Variants in LRRIQ4 observed in about 807,000 individuals in gnomAD.
LRRIQ4 encodes leucine-rich repeat and IQ domain-containing protein 4.
LRRIQ4 carries 21 observed loss-of-function variants against 40.1 expected under a neutral mutation model. That is an observed-to-expected ratio of 0.52 (90% CI 0.37 to 0.75). The LOEUF (loss-of-function observed/expected upper bound fraction) is 0.75, where lower values mean the gene tolerates loss of function less well. Among genes scored for constraint, LRRIQ4 ranks in the 30% least tolerant of loss-of-function variants. The pLI is 0.00. For synonymous variants in LRRIQ4, 277 were observed against 277.1 expected, an observed-to-expected ratio of 1.00 and a Z score of 0.00; for missense variants, 655 against 660.0, an observed-to-expected ratio of 0.99 and a Z score of 0.08.
At position 169,837,666 on chromosome 3, in the gene LRRIQ4, G is replaced by A; in HGVS notation, c.*35G>A. 1 of 1,489,212 alleles carries A rather than the reference G, an allele frequency of 6.7e-7. No individual in the cohort carries two copies. 92.2% of individuals were successfully genotyped at this position (1,489,212 alleles called of 1,614,324 possible). A position where few individuals can be genotyped will look rare whatever the true frequency, so the allele number is the denominator to read the frequency against. On this transcript the variant is annotated 3_prime_UTR_variant, in exon 6 of 6. Coordinates refer to ENST00000340806, the MANE Select transcript of LRRIQ4 (RefSeq NM_001080460.3). ...TTGATAAATTGGGGTAATGGACCTT[G>A]ATAGATTAAGAAGACAAAATATCTA...
At chr3:169,823,044 C>A (rs916724133) in intron 2 of LRRIQ4, 103 bp downstream of exon 2, 22 of 935,804 alleles carry the variant, frequency 2.4e-5, no homozygotes, top group Admixed American at 3.4e-5. Context: ...ACTTTATGGG[C>A]GAAAATCCAA....
At chr3:169,818,327 G>C (rs1196290872) in intron 1 of LRRIQ4, among the ~76,000 whole-genome samples, 2 of 152,176 alleles carry the variant, frequency 1.3e-5, no homozygotes, top group African/African-American at 2.4e-5. Flanking sequence ...TAAAACCAGG[G>C]ACTGTGATTG....
intron 4 of LRRIQ4, among the ~76,000 whole-genome samples, chr3:169,832,641 A>G (rs893304815): frequency 2.2e-4 from 34 of 151,442 alleles, no homozygotes; most frequent in Admixed American, 1.1e-3. Flanking sequence ...CAAAAAAAAA[A>G]AAAAAAAAAA....
Position 169,815,696 on chromosome 3 carries a change from T to C in LRRIQ4, c.-32+2650T>C, listed in dbSNP as rs1009595176. ...CTACACTGAATAATAGTGGTTAAAG[T>C]GGGCATCCTTATATTGTTCCAGATC... On this transcript the variant is annotated intron_variant, in intron 1 of 5. Transcript: ENST00000340806. 1.2e-4 allele frequency among the ~76,000 whole-genome samples: 18 copies of C among 152,216 alleles called. 1 individual carries two copies. Among genetic ancestry groups the C allele is most frequent in the Admixed American group, 7.2e-4 (11 of 15,282 alleles).
At chr3:169,821,608 C>T (rs532421869) in intron 1 of LRRIQ4, among the ~76,000 whole-genome samples, 2 of 152,156 alleles carry the variant, frequency 1.3e-5, no homozygotes, top group South Asian at 2.1e-4. Context: ...CCATTGCACT[C>T]CAGCCTGGGC....
chr3:169,813,567 T>C (rs1779684964), intron 1 of LRRIQ4, among the ~76,000 whole-genome samples: 1 of 152,174 alleles, frequency 6.6e-6, no homozygotes, highest in African/African-American at 2.4e-5. Flanking sequence ...GGAAATATCC[T>C]CTCCATAGGG....
At position 169,833,203 on chromosome 3, in the gene LRRIQ4, T is replaced by C. The variant is rs1406328023; in HGVS notation, c.1530+20T>C. 6.3e-7 allele frequency: 1 copy of C among 1,594,100 alleles called. No individual in the cohort carries two copies. The highest frequency in any genetic ancestry group is 1.7e-4 in the Middle Eastern group (1 of 6,034). On this transcript the variant is annotated intron_variant, in intron 5 of 5. Coordinates refer to ENST00000340806, the MANE Select transcript of LRRIQ4 (RefSeq NM_001080460.3). ...ACAAAGGTAAAATCAGCCCAGATTC[T>C]TGATAACAGTTGCTTTAGAGGGAGT...
chr3:169,824,673 C>T (rs1447253064), intron 2 of LRRIQ4, among the ~76,000 whole-genome samples: 5 of 151,852 alleles, frequency 3.3e-5, no homozygotes, highest in Admixed American at 2.0e-4. Flanking sequence ...CCATCACACC[C>T]GGCTAATTTT....
chr3:169,822,077 A>C lies in LRRIQ4; in HGVS notation c.156A>C (p.Glu52Asp). Residue 52 changes from glutamate (E) to aspartate (D), a missense_variant, in exon 2 of 6, where the codon GAA (glutamate) becomes GAC (aspartate). Glu to Asp is a conservative substitution (Grantham distance 45). Transcript: ENST00000340806. The stretch of plus-strand genomic sequence containing the variant: ...TCTTCACATTCACAGAATTAGAAGA[A>C]GTGCATTTGGAGAATAACCAGATTG... ...LEIFTFTELE[E>D]VHLENNQIEE... The C allele has an allele frequency of 1.2e-6, 2 of 1,606,960 alleles. No individual in the cohort carries two copies. The highest frequency in any genetic ancestry group is 1.7e-6 in the Non-Finnish European group (2 of 1,178,202).
intron 4 of LRRIQ4, 83 bp from the exon 5 acceptor site, chr3:169,832,904 C>A: frequency 8.1e-7 from 1 of 1,232,304 alleles, no homozygotes; most frequent in Non-Finnish European, 1.1e-6. Context: ...AATTGGATCC[C>A]TCACCTATGT....
Position 169,822,775 on chromosome 3 carries a change from T to C in LRRIQ4, c.854T>C (p.Leu285Pro). The change falls in exon 2 of 6, where the codon CTC becomes CCC. Residue 285 changes from leucine (L) to proline (P), a missense_variant. Coordinates refer to ENST00000340806, the MANE Select transcript of LRRIQ4 (RefSeq NM_001080460.3). ...LICRWTSLHL[L>P]YLGNTGLHRL... ...TGCAGGTGGACCTCGCTGCACCTGC[T>C]CTACCTGGGAAACACCGGCCTGCAC... is the stretch of plus-strand genomic sequence containing the variant. The C allele has an allele frequency of 3.1e-6, 5 of 1,613,732 alleles. No individual in the cohort carries two copies. The highest frequency in any genetic ancestry group is 3.4e-6 in the Non-Finnish European group (4 of 1,179,770).
At chr3:169,837,413 G>C (rs1045511330) in intron 5 of LRRIQ4, 66 bp from the exon 6 acceptor site, 55 of 1,504,120 alleles carry the variant, frequency 3.7e-5, no homozygotes, top group Non-Finnish European at 4.9e-5. Flanking sequence ...AGAATAAAGA[G>C]ATTTAACAAT....
At chr3:169,817,649 C>G (rs1005957213) in intron 1 of LRRIQ4, among the ~76,000 whole-genome samples, 2 of 152,152 alleles carry the variant, frequency 1.3e-5, no homozygotes, top group African/African-American at 4.8e-5. Flanking sequence ...GTTATATCCT[C>G]TTGCTGAATG....
At chr3:169,825,189 G>A (rs1780016239) in intron 2 of LRRIQ4, among the ~76,000 whole-genome samples, 2 of 151,334 alleles carry the variant, frequency 1.3e-5, no homozygotes, top group Admixed American at 1.3e-4. Context: ...TGTATTTTTA[G>A]TAGAGGCAGG....
intron 2 of LRRIQ4, among the ~76,000 whole-genome samples, chr3:169,828,527 C>T (rs541521021): frequency 6.6e-6 from 1 of 152,206 alleles, no homozygotes; most frequent in Non-Finnish European, 1.5e-5. Flanking sequence ...AACCACCGCG[C>T]CCAGCCACAA....
intron 5 of LRRIQ4, among the ~76,000 whole-genome samples, chr3:169,836,267 T>G (rs1780299747): frequency 6.6e-6 from 1 of 151,544 alleles, no homozygotes; most frequent in South Asian, 2.1e-4. Context: ...TTAAATAAGA[T>G]TGTCAGAGTA....
intron 2 of LRRIQ4, among the ~76,000 whole-genome samples, chr3:169,827,995 T>A (rs1404155281): frequency 2.0e-5 from 3 of 152,140 alleles, no homozygotes; most frequent in African/African-American, 7.2e-5. Context: ...TGAACACTGA[T>A]TAGAAATGGT....
chr3:169,836,279 GC>G (rs891785062), intron 5 of LRRIQ4, among the ~76,000 whole-genome samples: 4 of 152,050 alleles, frequency 2.6e-5, no homozygotes, highest in African/African-American at 7.2e-5. Flanking sequence ...GTCAGAGTAG[GC>G]CTCACTGAAA....
chr3:169,835,819 G>T (rs9833211), intron 5 of LRRIQ4, among the ~76,000 whole-genome samples: 2,346 of 152,260 alleles, frequency 0.015, 67 homozygotes, highest in African/African-American at 0.054. Context: ...GACCAAGCAT[G>T]TTCCTGGCTC....
Sources: gnomAD v4.1 joint callset for allele counts (sites outside exome capture counted in the v4.1 genomes callset) on GRCh38, gnomAD v4.1.1 for gene constraint, MANE v1.5 for transcripts, NCBI Gene and HGNC (gene_info 2026-07-23, HGNC 2026-07-21) for gene names.